The following KLHL13 variants were observed in gnomAD, a reference collection of about 807,000 sequenced individuals.
KLHL13 encodes the protein kelch like family member 13.
Under a neutral mutation model 37.1 loss-of-function variants are expected in KLHL13, and 10 were observed. That is an observed-to-expected ratio of 0.27 (90% CI 0.17 to 0.46). The LOEUF (loss-of-function observed/expected upper bound fraction) is 0.46, where lower values mean the gene tolerates loss of function less well. KLHL13 is among the 20% of genes least tolerant of loss of function. The pLI is 1.00. For missense variants in KLHL13, 360 were observed against 509.3 expected (o/e 0.71, Z 2.82); for synonymous variants, 163 against 181.2 (o/e 0.90, Z 0.81).
intron 2 of KLHL13, among the ~76,000 whole-genome samples, chrX:117,922,028 C>T (rs999087589): frequency 8.9e-6 from 1 of 111,875 alleles, no homozygotes; most frequent in African/African-American, 3.2e-5. Context: ...ATTATATATC[C>T]TATGCCACTA....
intron 1 of KLHL13, among the ~76,000 whole-genome samples, chrX:117,955,470 C>A (rs1263425621): frequency 8.9e-6 from 1 of 111,929 alleles, no homozygotes. Context: ...TTTACCAAAT[C>A]TCAGTCTTGA....
chrX:118,091,429 G>A (rs1273282311), intron 1 of KLHL13, among the ~76,000 whole-genome samples: 1 of 111,192 alleles, frequency 9.0e-6, no homozygotes, highest in Non-Finnish European at 1.9e-5. Context: ...TAAAGTCTCA[G>A]TAAAGAAATA....
Position 117,932,031 on chromosome X carries a change from T to C in KLHL13, c.241-11661A>G, listed in dbSNP as rs187278377. Among the ~76,000 whole-genome samples the C allele has an allele frequency of 1.4e-4, 16 of 111,478 alleles. No homozygotes were observed. In the East Asian group the frequency reaches 4.4e-3, roughly 31 times the overall value. On this transcript the variant is annotated intron_variant, in intron 2 of 6. Coordinates refer to ENST00000262820, the Ensembl canonical transcript of KLHL13. ...TTATATGTATTATTTCTTATTAAAATTTAATTTTTAATTATAATTGACACA... is the reference window on the plus strand; with the variant it reads ...TTATATGTATTATTTCTTATTAAAACTTAATTTTTAATTATAATTGACACA...
intron 1 of KLHL13, among the ~76,000 whole-genome samples, chrX:118,061,161 T>C (rs2054737143): frequency 8.9e-6 from 1 of 111,886 alleles, no homozygotes; most frequent in Non-Finnish European, 1.9e-5. Flanking sequence ...TTTTAAATCA[T>C]AAATAAAATT....
At position 117,945,402 on chromosome X, in the gene KLHL13, G is replaced by A. The variant is rs187412669; in HGVS notation, c.240+32C>T. 73 of 1,189,150 alleles carry A rather than the reference G, an allele frequency of 6.1e-5. No homozygotes were observed. In the African/African-American group the frequency reaches 8.0e-4, roughly 13 times the overall value. On this transcript the variant is annotated intron_variant, in intron 2 of 6. Transcript: ENST00000262820. The stretch of plus-strand genomic sequence containing the variant: ...TCCATGGTGGGTTTTTTAAAGCTAC[G>A]TAAACACTACCAAAGAGACAGCTTA...
intron 1 of KLHL13, among the ~76,000 whole-genome samples, chrX:118,059,262 T>C (rs1322359841): frequency 9.0e-6 from 1 of 111,695 alleles, no homozygotes; most frequent in Admixed American, 9.5e-5. Context: ...AAAAATACAT[T>C]GATATTAAGG....
intron 1 of KLHL13, among the ~76,000 whole-genome samples, chrX:118,042,912 T>C (rs375111280): frequency 2.9e-5 from 3 of 102,936 alleles, no homozygotes; most frequent in South Asian, 4.2e-4. Context: ...ATAAATGACA[T>C]TGAAATGAAA....
intron 1 of KLHL13, among the ~76,000 whole-genome samples, chrX:118,075,430 A>C (rs1455215841): frequency 8.9e-6 from 1 of 112,182 alleles, no homozygotes; most frequent in Non-Finnish European, 1.9e-5. Context: ...CAAGTCCTGA[A>C]GTCAGTGGAT....
chrX:117,987,155 C>T (rs772264612), intron 1 of KLHL13, among the ~76,000 whole-genome samples: 22 of 111,158 alleles, frequency 2.0e-4, no homozygotes, highest in African/African-American at 7.2e-4. Flanking sequence ...AAAGGGATAC[C>T]GACAGAAGAG....
chrX:118,051,459 T>C (rs965370853), intron 1 of KLHL13, among the ~76,000 whole-genome samples: 3 of 109,604 alleles, frequency 2.7e-5, no homozygotes, highest in Non-Finnish European at 5.7e-5. Flanking sequence ...GAGAATGGCA[T>C]GAACCCGGGA....
intron 1 of KLHL13, among the ~76,000 whole-genome samples, chrX:118,063,289 C>T (rs1201538311): frequency 9.0e-6 from 1 of 111,111 alleles, no homozygotes; most frequent in Non-Finnish European, 1.9e-5. Flanking sequence ...GAAGTTAGAG[C>T]GAATAAAAGG....
At chrX:118,031,529 TTA>T (rs1317596397) in intron 1 of KLHL13, among the ~76,000 whole-genome samples, 5 of 74,596 alleles carry the variant, frequency 6.7e-5, no homozygotes, top group South Asian at 5.1e-4. Context: ...ATATATTTAG[TTA>T]TATATATATT....
At chrX:117,962,241 G>A (rs138146993) in intron 1 of KLHL13, among the ~76,000 whole-genome samples, 1,381 of 107,525 alleles carry the variant, frequency 0.013, 25 homozygotes, top group African/African-American at 0.044. Flanking sequence ...TAATAAATGT[G>A]TGACATTTTA....
chrX:118,113,333 A>G (rs1170009062), intron 1 of KLHL13, among the ~76,000 whole-genome samples: 1 of 111,907 alleles, frequency 8.9e-6, no homozygotes, highest in Admixed American at 9.5e-5. Context: ...TTCCCTGGAT[A>G]ATTTTTTTAA....
rs185778527 is a variant in KLHL13 at position 117,988,420 on chromosome X, T to A, written c.-55-42845A>T. Among the ~76,000 whole-genome samples, 4 of 112,014 alleles carry A rather than the reference T, an allele frequency of 3.6e-5. No homozygotes were observed. In the Admixed American group the frequency reaches 3.8e-4, roughly 11 times the overall value. On this transcript the variant is annotated intron_variant, in intron 1 of 6. Transcript: ENST00000371882. Reference sequence around the variant, plus strand: ...ATGGTTCAGAGCAGGATGACTTAAGTGGTTTACAGAATTTTCTGTCCTGCT... The same window carrying A: ...ATGGTTCAGAGCAGGATGACTTAAGAGGTTTACAGAATTTTCTGTCCTGCT...
intron 4 of KLHL13, among the ~76,000 whole-genome samples, chrX:117,916,745 G>C (rs1334631431): frequency 1.8e-5 from 2 of 112,299 alleles, no homozygotes; most frequent in Non-Finnish European, 3.8e-5. Context: ...AATTGTATTA[G>C]AAGGGAATTT....
At chrX:117,986,585 G>A (rs1387391071) in intron 1 of KLHL13, among the ~76,000 whole-genome samples, 4 of 111,558 alleles carry the variant, frequency 3.6e-5, no homozygotes, top group Non-Finnish European at 7.5e-5. Context: ...CCAGTTTACT[G>A]TAGTAAATCA....
chrX:117,990,618 A>G (rs2053777375), intron 1 of KLHL13, among the ~76,000 whole-genome samples: 1 of 111,576 alleles, frequency 9.0e-6, no homozygotes, highest in South Asian at 3.8e-4. Flanking sequence ...GCTCCACTAC[A>G]TGGAGCAAAA....
intron 1 of KLHL13, among the ~76,000 whole-genome samples, chrX:118,066,904 A>G (rs891016525): frequency 8.9e-6 from 1 of 112,153 alleles, no homozygotes; most frequent in Non-Finnish European, 1.9e-5. Context: ...TCATTAAGGT[A>G]CGTGCCCATG....
Sources: gnomAD v4.1 joint callset for allele counts (sites outside exome capture counted in the v4.1 genomes callset) on GRCh38, gnomAD v4.1.1 for gene constraint, MANE v1.5 for transcripts, NCBI Gene and HGNC (gene_info 2026-07-23, HGNC 2026-07-21) for gene names.